ANKRD33B: variants seen among roughly 807,000 people sequenced by gnomAD.
ANKRD33B encodes ankyrin repeat domain 33B.
Under a neutral mutation model 21.5 loss-of-function variants are expected in ANKRD33B, and 6 were observed. The ratio of observed to expected loss-of-function variants is 0.28; its 90% confidence interval spans 0.15 to 0.55. The LOEUF (loss-of-function observed/expected upper bound fraction) is 0.55, where lower values mean the gene tolerates loss of function less well. ANKRD33B is among the 20% of genes least tolerant of loss of function. The pLI, the probability that ANKRD33B is intolerant of heterozygous loss-of-function variation, is 0.94. For missense variants in ANKRD33B, 698 were observed against 747.2 expected (o/e 0.93, Z 0.77); for synonymous variants, 347 against 342.4 (o/e 1.01, Z -0.15).
At chr5:10,622,033 C>T (rs1028476430) in intron 2 of ANKRD33B, among the ~76,000 whole-genome samples, 1 of 152,222 alleles carries the variant, frequency 6.6e-6, no homozygotes, top group Non-Finnish European at 1.5e-5. Context: ...GCCTCCAGAA[C>T]TGTGAGAAAT....
In ANKRD33B at chr5:10,653,698, G is replaced by A; in HGVS notation, c.*3585G>A. ...CCCTCGGTCTCAGGATGTGGACAGG[G>A]CTGGGAGGTGCAGGCTTCTTGTCCC... On this transcript the variant is annotated 3_prime_UTR_variant, in exon 4 of 4. Transcript: ENST00000296657. 6.6e-6 allele frequency: 1 copy of A among 152,522 alleles called. No homozygotes were observed. Among genetic ancestry groups the A allele is most frequent in the Non-Finnish European group, 1.5e-5 (1 of 68,100 alleles). The allele number at this position is 152,522 out of a possible 1,614,324, so 9.4% of individuals were successfully genotyped here. A position where few individuals can be genotyped will look rare whatever the true frequency, so the allele number is the denominator to read the frequency against.
chr5:10,573,610 T>C (rs980479637), intron 1 of ANKRD33B, among the ~76,000 whole-genome samples: 51 of 152,174 alleles, frequency 3.4e-4, no homozygotes, highest in African/African-American at 1.2e-3. Flanking sequence ...GACTCACAGT[T>C]CCACATGGCT....
rs1246416549 is a variant in ANKRD33B at position 10,564,282 on chromosome 5, C to T, written c.-186C>T. 1 of 244,652 alleles carries T rather than the reference C, an allele frequency of 4.1e-6. No homozygotes were observed. The highest frequency in any genetic ancestry group is 6.6e-6 in the Non-Finnish European group (1 of 150,882). 15.2% of individuals were successfully genotyped at this position (244,652 alleles called of 1,614,324 possible). ...CGCGGTCCCGCCCACCCCAGGGGCT[C>T]GCTCAGCCTCCGGAGACTTTTTTCT... On this transcript the variant is annotated 5_prime_UTR_variant, in exon 1 of 4. Coordinates refer to ENST00000296657, the MANE Select transcript of ANKRD33B (RefSeq NM_001164440.2).
In ANKRD33B at chr5:10,649,452, G is replaced by T. The variant is rs577790371; in HGVS notation, c.824G>T (p.Gly275Val). ...CCTGAAGCGGCGCGGAAGCCCGCGG[G>T]CTCCAAGAACTGCCTGCAGAGGCTC... ...PPPEAARKPA[G>V]SKNCLQRLTD... The change falls in exon 4 of 4, where the codon GGC becomes GTC. Residue 275 changes from glycine to valine, a missense_variant. By Grantham distance (109) the Gly-to-Val change is moderately radical. Transcript: ENST00000296657. The T allele has an allele frequency of 6.5e-7, 1 of 1,535,150 alleles. No homozygotes were observed. Among genetic ancestry groups the T allele is most frequent in the Non-Finnish European group, 8.7e-7 (1 of 1,146,382 alleles).
In ANKRD33B at chr5:10,583,275, C is replaced by T. The variant is rs190581460; in HGVS notation, c.366+18442C>T. Among the ~76,000 whole-genome samples the T allele has an allele frequency of 3.1e-3, 471 of 152,320 alleles. 3 individuals are homozygous for T. Among genetic ancestry groups the T allele is most frequent in the African/African-American group, 0.011 (445 of 41,578 alleles). On this transcript the variant is annotated intron_variant, in intron 1 of 3. Coordinates refer to ENST00000296657, the MANE Select transcript of ANKRD33B (RefSeq NM_001164440.2). ...CGGGCCTCCCAAAGTGCTGGGATTA[C>T]AGGCGCGAGCCACCGCGCCCGACCT... is the stretch of plus-strand genomic sequence containing the variant.
At position 10,650,105 on chromosome 5, in the gene ANKRD33B, AG is replaced by A; in HGVS notation, c.1479del (p.Thr494ArgfsTer82). On this transcript the variant is annotated frameshift_variant, in exon 4 of 4. Coordinates refer to ENST00000296657, the MANE Select transcript of ANKRD33B (RefSeq NM_001164440.2). LOFTEE classifies it high-confidence loss of function. The stretch of plus-strand genomic sequence containing the variant: ...GAGGCGCACTGCGCCCTGGAAGAAG[AG>A]GACGTGAGGGCCCGTGTGCCTGGCG... ...KERRTAPWKKRT is the reference protein window; with the variant it reads ...KERRTAPWKKXT 6.6e-7 allele frequency: 1 copy of A among 1,511,504 alleles called. No individual in the cohort carries two copies. Among genetic ancestry groups the A allele is most frequent in the Non-Finnish European group, 8.8e-7 (1 of 1,133,346 alleles). 93.6% of individuals were successfully genotyped at this position (1,511,504 alleles called of 1,614,324 possible).
At chr5:10,629,116 C>T (rs1039033793) in intron 2 of ANKRD33B, among the ~76,000 whole-genome samples, 2 of 152,066 alleles carry the variant, frequency 1.3e-5, no homozygotes, top group East Asian at 1.9e-4. Flanking sequence ...TGGAGAGTTT[C>T]GGATGAGTAG....
In ANKRD33B at chr5:10,609,894, G is replaced by C. The variant is rs762875669; in HGVS notation, c.367-8439G>C. Among the ~76,000 whole-genome samples, 21 of 152,196 alleles carry C rather than the reference G, an allele frequency of 1.4e-4. No individual in the cohort carries two copies. In the Middle Eastern group the frequency reaches 0.01, roughly 74 times the overall value. On this transcript the variant is annotated intron_variant, in intron 1 of 3. Coordinates refer to ENST00000296657, the MANE Select transcript of ANKRD33B (RefSeq NM_001164440.2). The stretch of plus-strand genomic sequence containing the variant: ...ATTGCACTATAGCCTGGGTGACAGA[G>C]TGAGACTCCATCTAAAAAAAACAAA...
intron 1 of ANKRD33B, among the ~76,000 whole-genome samples, chr5:10,604,533 AAAG>A (rs1736002552): frequency 6.6e-6 from 1 of 150,458 alleles, no homozygotes; most frequent in African/African-American, 2.5e-5. Context: ...AAGAAAAAAA[AAAG>A]AAAAATATAG....
rs1434314724 is a variant in ANKRD33B, at chr5:10,638,061, A to G, written c.530A>G (p.Tyr177Cys). The G allele has an allele frequency of 3.9e-6, 6 of 1,537,340 alleles. No individual in the cohort carries two copies. Among genetic ancestry groups the G allele is most frequent in the African/African-American group, 2.7e-5 (2 of 72,928 alleles). ...HAIITNYLLN[Y>C]FPGLDLERRN... ...ATCATCACTAACTACTTGTTGAACT[A>G]TTTCCCTGGTCTTGACCTTGAAAGG... The change falls in exon 3 of 4, where the codon TAT becomes TGT. Residue 177 changes from tyrosine (Y) to cysteine (C), a missense_variant. By Grantham distance (194) the Tyr-to-Cys change is radical. Around this residue, in one of 3 missense-constraint regions of ANKRD33B, gnomAD observed 543 missense variants for 566.5 expected, o/e 0.96. Coordinates refer to ENST00000296657, the MANE Select transcript of ANKRD33B (RefSeq NM_001164440.2).
chr5:10,580,810 C>T (rs1735428906), intron 1 of ANKRD33B, among the ~76,000 whole-genome samples: 2 of 152,236 alleles, frequency 1.3e-5, no homozygotes, highest in Middle Eastern at 3.4e-3. Flanking sequence ...CAGTGGCCTC[C>T]TCCCACTGCC....
At position 10,614,025 on chromosome 5, in the gene ANKRD33B, G is replaced by GTGTGTGTGTA. The variant is rs1295818243; in HGVS notation, c.367-4307_367-4306insGTGTGTGTAT. Among the ~76,000 whole-genome samples, 355 of 150,552 alleles carry GTGTGTGTGTA rather than the reference G, an allele frequency of 2.4e-3. 1 individual carries two copies. Among genetic ancestry groups the GTGTGTGTGTA allele is most frequent in the African/African-American group, 8.4e-3 (341 of 40,682 alleles). ...TGTGTGTGTGTGTGTGTGTGTGTGT[G>GTGTGTGTGTA]TATAAACATATATGTAGAGAAGGAG... On this transcript the variant is annotated intron_variant, in intron 1 of 3. Coordinates refer to ENST00000296657, the MANE Select transcript of ANKRD33B (RefSeq NM_001164440.2).
rs1560960580 is a variant in ANKRD33B, at chr5:10,574,860, G to GGGCGGATCATGAGGTCAAAAGAT, written c.366+10027_366+10028insGGCGGATCATGAGGTCAAAAGAT. On this transcript the variant is annotated intron_variant, in intron 1 of 3. Coordinates refer to ENST00000296657, the MANE Select transcript of ANKRD33B (RefSeq NM_001164440.2). ...TTTGGGAGGCTGAAGCGGGAGAGCTGCTTAAGGCCAGGTGCTCAAGACCAG... is the reference window on the plus strand; with the variant it reads ...TTTGGGAGGCTGAAGCGGGAGAGCTGGGCGGATCATGAGGTCAAAAGATCTTAAGGCCAGGTGCTCAAGACCAG... 2.1e-3 allele frequency among the ~76,000 whole-genome samples: 166 copies of GGGCGGATCATGAGGTCAAAAGAT among 77,846 alleles called. 9 individuals carry two copies. The highest frequency in any genetic ancestry group is 4.7e-3 in the East Asian group (9 of 1,920). The allele number at this position is 77,846 out of a possible 152,430, so 51.1% of individuals were successfully genotyped here.
chr5:10,643,356 T>A (rs1178090193), intron 3 of ANKRD33B, among the ~76,000 whole-genome samples: 1 of 152,020 alleles, frequency 6.6e-6, no homozygotes, highest in African/African-American at 2.4e-5. Context: ...ACCAAAAATG[T>A]CTCTAGATGT....
At chr5:10,594,221 CTTTT>C (rs10658307) in intron 1 of ANKRD33B, among the ~76,000 whole-genome samples, 70 of 83,162 alleles carry the variant, frequency 8.4e-4, no homozygotes, top group African/African-American at 3.1e-3. Context: ...ACACATCCTT[CTTTT>C]TTTTTTTTTT....
intron 3 of ANKRD33B, among the ~76,000 whole-genome samples, chr5:10,643,752 G>A (rs1277202650): frequency 4.0e-5 from 6 of 151,232 alleles, no homozygotes; most frequent in South Asian, 2.1e-4. Flanking sequence ...CCTAGGAGGC[G>A]GAGGTTGCAG....
chr5:10,638,292 A>T (rs769585159), intron 3 of ANKRD33B, 124 bp downstream of exon 3: 22 of 1,260,170 alleles, frequency 1.7e-5, no homozygotes, highest in Non-Finnish European at 2.4e-5. Context: ...AATAAATAAT[A>T]GTTTCTTCAC....
intron 1 of ANKRD33B, among the ~76,000 whole-genome samples, chr5:10,604,397 C>T (rs1028742299): frequency 2.7e-5 from 4 of 148,638 alleles, no homozygotes; most frequent in East Asian, 2.0e-4. Context: ...TTCGCCATGT[C>T]GACCAGGCTG....
intron 1 of ANKRD33B, among the ~76,000 whole-genome samples, chr5:10,582,529 T>A (rs376593523): frequency 6.6e-6 from 1 of 152,234 alleles, no homozygotes; most frequent in African/African-American, 2.4e-5. Flanking sequence ...TGTATGTGGC[T>A]TTTTTATTTT....
Sources: allele counts gnomAD v4.1 joint callset (sites outside exome capture counted in the v4.1 genomes callset), GRCh38; gene constraint gnomAD v4.1.1; regional missense constraint gnomAD v4.1.1; transcripts MANE v1.5; gene names NCBI Gene and HGNC (gene_info 2026-07-23, HGNC 2026-07-21).